The following FBXL7 variants were observed in gnomAD, a reference collection of about 807,000 sequenced individuals.
FBXL7 encodes F-box and leucine rich repeat protein 7, also known as F-box/LRR-repeat protein 7.
A neutral mutation model predicts 38.3 loss-of-function variants in FBXL7; 12 were observed. The ratio of observed to expected loss-of-function variants is 0.31; its 90% CI spans 0.20 to 0.51. The LOEUF (loss-of-function observed/expected upper bound fraction) is 0.51, where lower values mean the gene tolerates loss of function less well. Ranked by LOEUF, FBXL7 falls within the 20% of genes least tolerant of loss-of-function variation. The pLI, the probability that FBXL7 is intolerant of heterozygous loss-of-function variation, is 0.98. For missense variants in FBXL7, 567 were observed against 676.4 expected (o/e 0.84, Z 1.79); for synonymous variants, 297 against 300.9 (o/e 0.99, Z 0.13).
At chr5:15,864,969 A>G (rs2126813619) in intron 2 of FBXL7, among the ~76,000 whole-genome samples, 1 of 152,352 alleles carries the variant, frequency 6.6e-6, no homozygotes, top group Middle Eastern at 3.4e-3. Context: ...AAATTCAGAC[A>G]TTCTGTGAAT....
At chr5:15,688,472 T>G (rs192832645) in intron 2 of FBXL7, among the ~76,000 whole-genome samples, 3 of 151,844 alleles carry the variant, frequency 2.0e-5, no homozygotes, top group Non-Finnish European at 2.9e-5. Flanking sequence ...GACCATTCAC[T>G]TAGCCATCCG....
At chr5:15,608,336 T>G (rs1325007010) in intron 1 of FBXL7, among the ~76,000 whole-genome samples, 2 of 152,130 alleles carry the variant, frequency 1.3e-5, no homozygotes, top group African/African-American at 4.8e-5. Context: ...CTAATGGCTG[T>G]CTTTTGTTTG....
chr5:15,626,194 C>G (rs1409141239), intron 2 of FBXL7, among the ~76,000 whole-genome samples: 1 of 152,226 alleles, frequency 6.6e-6, no homozygotes, highest in Non-Finnish European at 1.5e-5. Flanking sequence ...GAGCAATTCA[C>G]TGCTTCATGA....
At chr5:15,589,646 A>AT in intron 1 of FBXL7, among the ~76,000 whole-genome samples, 1 of 152,232 alleles carries the variant, frequency 6.6e-6, no homozygotes, top group South Asian at 2.1e-4. Context: ...TGCATGATTT[A>AT]TTTTTCTATT....
intron 2 of FBXL7, among the ~76,000 whole-genome samples, chr5:15,671,480 A>G (rs1233787948): frequency 6.6e-6 from 1 of 152,058 alleles, no homozygotes; most frequent in Non-Finnish European, 1.5e-5. Context: ...AAAAATAAGT[A>G]TCAGCTTAGG....
intron 2 of FBXL7, among the ~76,000 whole-genome samples, chr5:15,835,706 C>T (rs1579505474): frequency 6.6e-6 from 1 of 152,132 alleles, no homozygotes. Context: ...TCTCCTATTA[C>T]CACTCAAGAA....
chr5:15,657,748 G>T (rs1339923593), intron 2 of FBXL7, among the ~76,000 whole-genome samples: 1 of 151,922 alleles, frequency 6.6e-6, no homozygotes, highest in Admixed American at 6.6e-5. Context: ...TGAGGCAGGA[G>T]AATTGCTTGA....
At chr5:15,574,100 A>G (rs1477501600) in intron 1 of FBXL7, among the ~76,000 whole-genome samples, 1 of 152,210 alleles carries the variant, frequency 6.6e-6, no homozygotes, top group Non-Finnish European at 1.5e-5. Context: ...ACCTGTCATT[A>G]TTATTAATTC....
intron 2 of FBXL7, among the ~76,000 whole-genome samples, chr5:15,883,367 T>G (rs2126343004): frequency 6.6e-6 from 1 of 152,336 alleles, no homozygotes; most frequent in Admixed American, 6.5e-5. Flanking sequence ...TGCCCCATTC[T>G]TATTGAAAAA....
intron 2 of FBXL7, among the ~76,000 whole-genome samples, chr5:15,824,256 A>C (rs913067660): frequency 1.3e-5 from 2 of 150,552 alleles, no homozygotes; most frequent in African/African-American, 2.4e-5. Flanking sequence ...AGATCACGCC[A>C]CTGCATTCCA....
At chr5:15,780,580 G>T (rs1451902303) in intron 2 of FBXL7, among the ~76,000 whole-genome samples, 2 of 152,092 alleles carry the variant, frequency 1.3e-5, no homozygotes, top group Non-Finnish European at 2.9e-5. Flanking sequence ...TAGTCAACAG[G>T]CACTTCTAAG....
At chr5:15,520,896 G>A (rs2126373836) in intron 1 of FBXL7, among the ~76,000 whole-genome samples, 1 of 152,320 alleles carries the variant, frequency 6.6e-6, no homozygotes, top group Non-Finnish European at 1.5e-5. Flanking sequence ...ATTTGTATCA[G>A]AGAAACCTAA....
At chr5:15,630,960 A>C (rs1740977902) in intron 2 of FBXL7, among the ~76,000 whole-genome samples, 1 of 152,154 alleles carries the variant, frequency 6.6e-6, no homozygotes, top group African/African-American at 2.4e-5. Context: ...GAGTAAATTA[A>C]AAAATTATTT....
At chr5:15,855,952 A>T (rs1203334102) in intron 2 of FBXL7, among the ~76,000 whole-genome samples, 1 of 152,314 alleles carries the variant, frequency 6.6e-6, no homozygotes, top group East Asian at 1.9e-4. Context: ...TAAAAAGAAA[A>T]ACTTAACAGC....
At chr5:15,517,722 G>A (rs1177759797) in intron 1 of FBXL7, among the ~76,000 whole-genome samples, 2 of 152,208 alleles carry the variant, frequency 1.3e-5, no homozygotes, top group African/African-American at 4.8e-5. Flanking sequence ...GATTACAGGA[G>A]TTAAGGGGGA....
chr5:15,567,893 A>G (rs1383592121), intron 1 of FBXL7, among the ~76,000 whole-genome samples: 1 of 152,104 alleles, frequency 6.6e-6, no homozygotes, highest in African/African-American at 2.4e-5. Flanking sequence ...GATGGTTTCC[A>G]GCTTCATCCA....
chr5:15,894,822 T>C lies in FBXL7; in HGVS notation c.128-33068T>C, dbSNP rs536663860. Among the ~76,000 whole-genome samples, 9 of 152,256 alleles carry C rather than the reference T, an allele frequency of 5.9e-5. No homozygotes were observed. The South Asian group carries it at 1.7e-3, about 28-fold the overall frequency. On this transcript the variant is annotated intron_variant, in intron 2 of 3. Transcript: ENST00000504595. The stretch of plus-strand genomic sequence containing the variant: ...ACTACACCCAACTCAATTCTAGCTG[T>C]GCCATCAGGCCTAGAGAGAAATTTA...
intron 2 of FBXL7, among the ~76,000 whole-genome samples, chr5:15,870,876 G>A (rs1326339923): frequency 6.6e-6 from 1 of 152,166 alleles, no homozygotes; most frequent in African/African-American, 2.4e-5. Flanking sequence ...GGCGGCTGTG[G>A]GCACAGCTTC....
intron 2 of FBXL7, among the ~76,000 whole-genome samples, chr5:15,896,887 A>G (rs1741116128): frequency 6.6e-6 from 1 of 152,124 alleles, no homozygotes; most frequent in Non-Finnish European, 1.5e-5. Context: ...TAATCCCGGC[A>G]TTTTGGGAGG....
Sources: allele counts gnomAD v4.1 joint callset (sites outside exome capture counted in the v4.1 genomes callset), GRCh38; gene constraint gnomAD v4.1.1; transcripts MANE v1.5; gene names NCBI Gene and HGNC (gene_info 2026-07-23, HGNC 2026-07-21).